LAMA2: variants seen among roughly 807,000 people sequenced by gnomAD.
The protein encoded by LAMA2 is laminin subunit alpha-2.
A neutral mutation model predicts 364.8 loss-of-function variants in LAMA2; 269 were observed. The ratio of observed to expected loss-of-function variants is 0.74; its 90% CI spans 0.67 to 0.82. The LOEUF (loss-of-function observed/expected upper bound fraction) is 0.82, where lower values mean the gene tolerates loss of function less well. Ranked by LOEUF, LAMA2 falls within the 40% of genes least tolerant of loss-of-function variation. LAMA2 has a pLI of 0.00. For missense variants in LAMA2, 3,807 were observed against 3,873.2 expected, an observed-to-expected ratio of 0.98 and a Z score of 0.45; for synonymous variants, 1,379 against 1,370.6, an observed-to-expected ratio of 1.01 and a Z score of -0.14.
intron 12 of LAMA2, among the ~76,000 whole-genome samples, chr6:129,202,206 A>G (rs1055533599): frequency 1.1e-4 from 16 of 150,780 alleles, no homozygotes; most frequent in African/African-American, 2.9e-4. Context: ...AAAAAAAAAA[A>G]AAAGAAAAGA....
At chr6:129,336,358 A>G (rs1033464121) in intron 29 of LAMA2, among the ~76,000 whole-genome samples, 2 of 152,206 alleles carry the variant, frequency 1.3e-5, no homozygotes, top group African/African-American at 4.8e-5. Context: ...GGTTTACTGT[A>G]TATATAATAT....
At chr6:129,221,824 C>T (rs566234207) in intron 12 of LAMA2, among the ~76,000 whole-genome samples, 3 of 152,058 alleles carry the variant, frequency 2.0e-5, no homozygotes, top group South Asian at 4.2e-4. Flanking sequence ...TAAGAAGAGC[C>T]GACAGCAGAT....
chr6:129,010,336 G>C (rs1324090722), intron 1 of LAMA2, among the ~76,000 whole-genome samples: 2 of 152,172 alleles, frequency 1.3e-5, no homozygotes, highest in Non-Finnish European at 2.9e-5. Flanking sequence ...AGATAGCAAA[G>C]GTACAATATT....
rs17056847 is a variant in LAMA2 at position 129,144,277 on chromosome 6, G to A, written c.819+197G>A. ...CCTTTGTTCAGATCCAAGCTGTGCC[G>A]CTTATTACATGTGTAACATTTATCA... On this transcript the variant is annotated intron_variant, in intron 5 of 64. Transcript: ENST00000421865. Among the ~76,000 whole-genome samples, 37,459 of 151,614 alleles carry A rather than the reference G, an allele frequency of 0.25. 5,259 individuals are homozygous for A. Among genetic ancestry groups the A allele is most frequent in the African/African-American group, 0.39 (16,169 of 41,302 alleles).
chr6:129,311,321 C>T (rs1023717139), intron 22 of LAMA2, among the ~76,000 whole-genome samples: 4 of 151,974 alleles, frequency 2.6e-5, no homozygotes, highest in Non-Finnish European at 5.9e-5. Context: ...CAGGGTTTCA[C>T]CATGTTAGCC....
intron 3 of LAMA2, among the ~76,000 whole-genome samples, chr6:129,094,489 T>G (rs17056798): frequency 0.024 from 3,592 of 152,274 alleles, 148 homozygotes; most frequent in African/African-American, 0.077. Flanking sequence ...TTATCTATTA[T>G]TCCAGAGCCA....
chr6:129,373,739 G>A (rs1028184021), intron 34 of LAMA2, among the ~76,000 whole-genome samples: 2 of 152,084 alleles, frequency 1.3e-5, no homozygotes, highest in African/African-American at 4.8e-5. Flanking sequence ...CTCAATTGGG[G>A]TTTGCCTCAT....
chr6:129,249,857 A>G (rs1298324244), intron 12 of LAMA2, among the ~76,000 whole-genome samples: 1 of 152,134 alleles, frequency 6.6e-6, no homozygotes, highest in Non-Finnish European at 1.5e-5. Context: ...AACTTAACCT[A>G]TTTCAGCAAG....
intron 49 of LAMA2, among the ~76,000 whole-genome samples, chr6:129,462,166 C>T (rs536782506): frequency 2.0e-5 from 3 of 152,122 alleles, no homozygotes; most frequent in South Asian, 4.2e-4. Context: ...TGTGAATTCA[C>T]TCATACAAGA....
At chr6:129,241,632 C>T (rs955258909) in intron 12 of LAMA2, among the ~76,000 whole-genome samples, 1 of 152,068 alleles carries the variant, frequency 6.6e-6, no homozygotes, top group Non-Finnish European at 1.5e-5. Context: ...AATCAAAATC[C>T]ACAACCAGCT....
At chr6:129,490,460 A>C (rs1784803809) in intron 56 of LAMA2, among the ~76,000 whole-genome samples, 1 of 152,216 alleles carries the variant, frequency 6.6e-6, no homozygotes, top group Non-Finnish European at 1.5e-5. Flanking sequence ...CTACAGAGAG[A>C]GGCTACACCA....
intron 9 of LAMA2, among the ~76,000 whole-genome samples, chr6:129,175,282 A>G (rs1373891227): frequency 1.3e-5 from 2 of 152,208 alleles, no homozygotes; most frequent in African/African-American, 4.8e-5. Flanking sequence ...CTCCTTTGGC[A>G]AATCACTTAA....
intron 27 of LAMA2, among the ~76,000 whole-genome samples, chr6:129,318,998 T>C (rs899580818): frequency 6.6e-6 from 1 of 152,250 alleles, no homozygotes; most frequent in Non-Finnish European, 1.5e-5. Context: ...AGGGTATTAA[T>C]ATGTTATTTT....
chr6:129,143,943 C>A lies in LAMA2; in HGVS notation c.682C>A (p.Pro228Thr). 6.2e-7 allele frequency: 1 copy of A among 1,611,382 alleles called. No individual in the cohort carries two copies. The highest frequency in any genetic ancestry group is 2.2e-5 in the East Asian group (1 of 44,822). ...CAATGGGAGACCAAGTGCCGATGAT[C>A]CTTCTCCAGAACTGCTAGAATTTAC... ...LINGRPSADD[P>T]SPELLEFTSA... Residue 228 changes from proline (P) to threonine (T), a missense_variant, in exon 5 of 65, where the codon CCT becomes ACT. Coordinates refer to ENST00000421865, the MANE Select transcript of LAMA2 (RefSeq NM_000426.4).
intron 2 of LAMA2, among the ~76,000 whole-genome samples, chr6:129,050,843 G>T (rs1474780126): frequency 6.6e-6 from 1 of 152,054 alleles, no homozygotes; most frequent in Non-Finnish European, 1.5e-5. Flanking sequence ...TTTAGGGAGA[G>T]GCACCATGTA....
At chr6:128,937,610 A>G (rs1481385881) in intron 1 of LAMA2, among the ~76,000 whole-genome samples, 1 of 151,998 alleles carries the variant, frequency 6.6e-6, no homozygotes, top group African/African-American at 2.4e-5. Context: ...AGCAGTCTCT[A>G]TGATCCTTTT....
intron 35 of LAMA2, among the ~76,000 whole-genome samples, chr6:129,384,769 TGTC>T (rs1778883690): frequency 6.6e-6 from 1 of 151,982 alleles, no homozygotes; most frequent in Admixed American, 6.6e-5. Context: ...TCACCAAAGG[TGTC>T]TCTCGTTCCC....
intron 1 of LAMA2, among the ~76,000 whole-genome samples, chr6:128,888,483 A>T (rs946257185): frequency 2.0e-5 from 3 of 152,202 alleles, no homozygotes; most frequent in African/African-American, 7.2e-5. Context: ...CTGGACAAAC[A>T]AATACAACGG....
At chr6:129,238,521 G>A (rs771123155) in intron 12 of LAMA2, among the ~76,000 whole-genome samples, 1 of 151,506 alleles carries the variant, frequency 6.6e-6, no homozygotes, top group Non-Finnish European at 1.5e-5. Context: ...ATATACTTTT[G>A]CATTATAGTC....
Sources: allele counts gnomAD v4.1 joint callset (sites outside exome capture counted in the v4.1 genomes callset), GRCh38; gene constraint gnomAD v4.1.1; transcripts MANE v1.5; gene names NCBI Gene and HGNC (gene_info 2026-07-23, HGNC 2026-07-21).